CLEC16A: variants seen among roughly 807,000 people sequenced by gnomAD.
CLEC16A encodes the protein protein CLEC16A.
In CLEC16A, 51 loss-of-function variants were observed where a neutral mutation model predicts 109.5. The ratio of observed to expected loss-of-function variants is 0.47; its 90% CI spans 0.37 to 0.59. CLEC16A has a LOEUF of 0.59. CLEC16A is among the 20% of genes least tolerant of loss of function. CLEC16A has a pLI of 0.00. For synonymous variants in CLEC16A, 673 were observed against 564.2 expected, an observed-to-expected ratio of 1.19 and a Z score of -2.73; for missense variants, 1,339 against 1,394.0, an observed-to-expected ratio of 0.96 and a Z score of 0.63.
At chr16:11,162,451 A>G (rs2054757585) in intron 22 of CLEC16A, among the ~76,000 whole-genome samples, 1 of 152,160 alleles carries the variant, frequency 6.6e-6, no homozygotes, top group Admixed American at 6.5e-5. Flanking sequence ...TTTGGTTTAA[A>G]ATAAGGTTTA....
chr16:11,028,910 C>T (rs1178453776), intron 13 of CLEC16A, among the ~76,000 whole-genome samples: 3 of 152,032 alleles, frequency 2.0e-5, no homozygotes, highest in Non-Finnish European at 4.4e-5. Flanking sequence ...ACACAGTTTC[C>T]CTTTTGATTT....
chr16:11,036,814 G>T (rs920107447), intron 13 of CLEC16A, among the ~76,000 whole-genome samples: 4 of 152,088 alleles, frequency 2.6e-5, no homozygotes, highest in Non-Finnish European at 5.9e-5. Flanking sequence ...CTCCCAAAGT[G>T]CTGGTATTAA....
chr16:11,064,918 G>C (rs1207661791), intron 19 of CLEC16A, among the ~76,000 whole-genome samples: 2 of 152,238 alleles, frequency 1.3e-5, no homozygotes, highest in African/African-American at 4.8e-5. Flanking sequence ...CCCTGCTGCA[G>C]CTGCTGAATA....
intron 19 of CLEC16A, among the ~76,000 whole-genome samples, chr16:11,098,981 T>C (rs1473568068): frequency 6.6e-6 from 1 of 152,210 alleles, no homozygotes; most frequent in Non-Finnish European, 1.5e-5. Flanking sequence ...CCATGCCCAT[T>C]GATCATACCT....
intron 22 of CLEC16A, among the ~76,000 whole-genome samples, chr16:11,146,179 C>T (rs1364512372): frequency 1.3e-5 from 2 of 152,162 alleles, no homozygotes; most frequent in Non-Finnish European, 2.9e-5. Flanking sequence ...AGTGGCAACC[C>T]TGTCCCCACT....
At chr16:11,162,309 C>T (rs934889855) in intron 22 of CLEC16A, among the ~76,000 whole-genome samples, 1 of 152,230 alleles carries the variant, frequency 6.6e-6, no homozygotes, top group Non-Finnish European at 1.5e-5. Context: ...TGGCCCTGCT[C>T]TTGGTGAGTC....
chr16:11,120,565 C>T, intron 19 of CLEC16A, 50 bp from the exon 20 acceptor site: 2 of 1,552,976 alleles, frequency 1.3e-6, no homozygotes, highest in South Asian at 2.5e-5. Context: ...TCTCCATCAC[C>T]CTGGGCAGCC....
chr16:10,975,639 C>T (rs1255593689), intron 7 of CLEC16A, among the ~76,000 whole-genome samples: 2 of 151,970 alleles, frequency 1.3e-5, no homozygotes, highest in Admixed American at 1.3e-4. Flanking sequence ...TAAATATTTA[C>T]CAAATATCTT....
chr16:11,138,769 C>T (rs978679128), intron 22 of CLEC16A, among the ~76,000 whole-genome samples: 2 of 152,304 alleles, frequency 1.3e-5, no homozygotes, highest in East Asian at 3.9e-4. Flanking sequence ...CGCAGGCGCA[C>T]CCTCATTCGA....
rs879811009 is a variant in CLEC16A at position 11,169,296 on chromosome 16, T to C, written c.2806+2744T>C. On this transcript the variant is annotated intron_variant, in intron 23 of 23. Transcript: ENST00000409790. ...CATTGATTTGTTTTTTGTTTTGTTT[T>C]GTTTTTTTGAGACAGAGTCTTGCTT... Among the ~76,000 whole-genome samples, 11 of 152,110 alleles carry C rather than the reference T, an allele frequency of 7.2e-5. No homozygotes were observed. The East Asian group carries it at 1.7e-3, about 24-fold the overall frequency.
chr16:11,002,200 T>C (rs1320430621), intron 10 of CLEC16A, among the ~76,000 whole-genome samples: 1 of 152,192 alleles, frequency 6.6e-6, no homozygotes, highest in Non-Finnish European at 1.5e-5. Context: ...CACAGTAATA[T>C]CTCATGCAGT....
intron 11 of CLEC16A, among the ~76,000 whole-genome samples, chr16:11,016,335 CT>C (rs1370420547): frequency 7.4e-6 from 1 of 134,480 alleles, no homozygotes; most frequent in Admixed American, 7.4e-5. Flanking sequence ...CGTTCGAACT[CT>C]TTTTTTTCTT....
chr16:11,166,614 T>C, intron 23 of CLEC16A, 62 bp downstream of exon 23: 1 of 1,465,998 alleles, frequency 6.8e-7, no homozygotes, highest in South Asian at 1.4e-5. Flanking sequence ...CCCTCACCAT[T>C]ACCAAAACCC....
chr16:11,163,073 G>A (rs1401724909), intron 22 of CLEC16A, among the ~76,000 whole-genome samples: 3 of 152,198 alleles, frequency 2.0e-5, no homozygotes, highest in Non-Finnish European at 4.4e-5. Flanking sequence ...CTACTTCGCA[G>A]CCCAAGTGTG....
intron 11 of CLEC16A, among the ~76,000 whole-genome samples, chr16:11,013,615 A>G (rs2152781547): frequency 6.6e-6 from 1 of 152,232 alleles, no homozygotes; most frequent in Middle Eastern, 3.4e-3. Flanking sequence ...AAAATTAGCC[A>G]GGCATGGTGA....
chr16:11,018,483 C>T (rs1323605736), intron 11 of CLEC16A, among the ~76,000 whole-genome samples: 1 of 151,810 alleles, frequency 6.6e-6, no homozygotes, highest in Non-Finnish European at 1.5e-5. Flanking sequence ...GGCGCGGTAG[C>T]TCACGCCTGT....
chr16:10,999,322 T>C (rs9926367), intron 10 of CLEC16A, among the ~76,000 whole-genome samples: 52,230 of 152,092 alleles, frequency 0.34, 9,311 homozygotes, highest in African/African-American at 0.43. Flanking sequence ...CTTGTGTGGG[T>C]GTGTACACAG....
intron 23 of CLEC16A, among the ~76,000 whole-genome samples, chr16:11,171,403 G>C (rs535435232): frequency 6.6e-6 from 1 of 152,228 alleles, no homozygotes; most frequent in Non-Finnish European, 1.5e-5. Context: ...CTGATGACCC[G>C]AGCAACTGTG....
chr16:10,973,680 T>A (rs2042901303), intron 7 of CLEC16A, among the ~76,000 whole-genome samples: 1 of 151,648 alleles, frequency 6.6e-6, no homozygotes, highest in Admixed American at 6.6e-5. Context: ...GCATTCCTCC[T>A]GCCTCAGCCT....
Sources: gnomAD v4.1 joint callset for allele counts (sites outside exome capture counted in the v4.1 genomes callset) on GRCh38, gnomAD v4.1.1 for gene constraint, MANE v1.5 for transcripts, NCBI Gene and HGNC (gene_info 2026-07-23, HGNC 2026-07-21) for gene names.